The following NEK10 variants were observed in gnomAD, a reference collection of about 807,000 sequenced individuals.
The protein encoded by NEK10 is NIMA related kinase 10.
In NEK10, 122 loss-of-function variants were observed where a neutral mutation model predicts 159.8. That is an observed-to-expected ratio of 0.76 (90% CI 0.66 to 0.89). The LOEUF (loss-of-function observed/expected upper bound fraction) is 0.89, where lower values mean the gene tolerates loss of function less well. NEK10 is among the 40% of genes least tolerant of loss of function. The pLI, the probability that NEK10 is intolerant of heterozygous loss-of-function variation, is 0.00. For synonymous variants in NEK10, 466 were observed against 457.1 expected (o/e 1.02, Z -0.25); for missense variants, 1,342 against 1,323.1 (o/e 1.01, Z -0.22).
At chr3:27,292,310 T>C (rs993898263) in intron 16 of NEK10, among the ~76,000 whole-genome samples, 1 of 152,186 alleles carries the variant, frequency 6.6e-6, no homozygotes, top group South Asian at 2.1e-4. Flanking sequence ...ATTGGGTGTT[T>C]TTTTGGGTGT....
chr3:27,343,663 A>T (rs1411993399), intron 5 of NEK10, among the ~76,000 whole-genome samples: 1 of 152,182 alleles, frequency 6.6e-6, no homozygotes, highest in Non-Finnish European at 1.5e-5. Flanking sequence ...ACGGACAGAA[A>T]ATTCGGACCT....
intron 31 of NEK10, among the ~76,000 whole-genome samples, chr3:27,135,940 A>G (rs916205354): frequency 4.6e-5 from 7 of 152,150 alleles, no homozygotes; most frequent in African/African-American, 1.7e-4. Context: ...CTGAAAAAAC[A>G]CAGAACGTTT....
At chr3:27,233,263 T>G (rs889789341) in intron 23 of NEK10, among the ~76,000 whole-genome samples, 6 of 152,096 alleles carry the variant, frequency 3.9e-5, no homozygotes, top group Admixed American at 3.9e-4. Flanking sequence ...AAAGAAGACA[T>G]AGAAACAACC....
intron 20 of NEK10, among the ~76,000 whole-genome samples, chr3:27,285,352 C>T (rs1306760969): frequency 2.6e-5 from 4 of 152,042 alleles, no homozygotes; most frequent in Non-Finnish European, 5.9e-5. Context: ...CTAAAATTTA[C>T]GCTCAAATCA....
intron 23 of NEK10, chr3:27,206,643 A>G (rs182970116): frequency 3.0e-6 from 3 of 985,220 alleles, no homozygotes; most frequent in Admixed American, 6.1e-5. Context: ...TCGCAGACCT[A>G]ATTTCCATTC....
chr3:27,113,763 G>T (rs1000699560), intron 35 of NEK10, among the ~76,000 whole-genome samples: 1 of 152,098 alleles, frequency 6.6e-6, no homozygotes, highest in African/African-American at 2.4e-5. Context: ...AAAGAATAAT[G>T]ATAAATTCCA....
At chr3:27,122,020 C>A (rs536240570) in intron 32 of NEK10, among the ~76,000 whole-genome samples, 7 of 152,128 alleles carry the variant, frequency 4.6e-5, no homozygotes, top group African/African-American at 1.7e-4. Context: ...AAATACAAAT[C>A]ATTTGTGGGT....
intron 5 of NEK10, among the ~76,000 whole-genome samples, chr3:27,335,384 G>C (rs762018983): frequency 4.6e-5 from 7 of 150,882 alleles, no homozygotes; most frequent in Non-Finnish European, 1.0e-4. Flanking sequence ...TAAAGAGAGA[G>C]ATAGACTCTA....
At chr3:27,233,868 C>T (rs1468952265) in intron 23 of NEK10, among the ~76,000 whole-genome samples, 7 of 152,090 alleles carry the variant, frequency 4.6e-5, no homozygotes, top group Admixed American at 4.6e-4. Flanking sequence ...CAAAAATCCT[C>T]AACAAAATAC....
At chr3:27,232,020 A>G (rs969239440) in intron 23 of NEK10, among the ~76,000 whole-genome samples, 1 of 151,958 alleles carries the variant, frequency 6.6e-6, no homozygotes, top group Non-Finnish European at 1.5e-5. Context: ...AAAACCAGGA[A>G]AGGACATAAC....
intron 29 of NEK10, among the ~76,000 whole-genome samples, chr3:27,165,268 A>T (rs1027483000): frequency 1.2e-4 from 18 of 152,372 alleles, no homozygotes; most frequent in Middle Eastern, 6.8e-3. Context: ...TAGTCATCTG[A>T]AATTTCAAAA....
chr3:27,223,236 G>C (rs913974852), intron 23 of NEK10, among the ~76,000 whole-genome samples: 3 of 151,998 alleles, frequency 2.0e-5, no homozygotes, highest in Non-Finnish European at 4.4e-5. Context: ...CTCCATCAAC[G>C]GCTCTTTCCT....
At chr3:27,324,293 T>C (rs2045861245) in intron 5 of NEK10, among the ~76,000 whole-genome samples, 1 of 152,194 alleles carries the variant, frequency 6.6e-6, no homozygotes, top group Non-Finnish European at 1.5e-5. Flanking sequence ...CAATGCAAGG[T>C]GCATTTCACA....
chr3:27,364,821 CATA>C, intron 1 of NEK10, among the ~76,000 whole-genome samples: 1 of 152,312 alleles, frequency 6.6e-6, no homozygotes, highest in Non-Finnish European at 1.5e-5. Context: ...TAACAACAGT[CATA>C]ATAAGAGCAA....
intron 23 of NEK10, among the ~76,000 whole-genome samples, chr3:27,243,383 A>C (rs1954749720): frequency 6.6e-6 from 1 of 151,600 alleles, no homozygotes; most frequent in Non-Finnish European, 1.5e-5. Context: ...CTGCAAAATA[A>C]TGAAAATGTT....
intron 23 of NEK10, among the ~76,000 whole-genome samples, chr3:27,250,324 C>T (rs576592178): frequency 4.6e-5 from 7 of 151,968 alleles, no homozygotes; most frequent in African/African-American, 1.4e-4. Context: ...GTAGCTGGGA[C>T]TACAGGCGCC....
rs553669048 is a variant in NEK10, at chr3:27,108,367, C to G, written c.*2905G>C. Among the ~76,000 whole-genome samples, 1 of 152,288 alleles carries G rather than the reference C, an allele frequency of 6.6e-6. No individual in the cohort carries two copies. Among genetic ancestry groups the G allele is most frequent in the South Asian group, 2.1e-4 (1 of 4,826 alleles). On this transcript the variant is annotated 3_prime_UTR_variant, in exon 36 of 36. Transcript: ENST00000691995. ...GAAGACTCCATTTGAAGACTACATGCCTGGAGGAAGATAAAGTTAACAAGC... is the reference window on the plus strand; with the variant it reads ...GAAGACTCCATTTGAAGACTACATGGCTGGAGGAAGATAAAGTTAACAAGC...
At chr3:27,249,326 G>A (rs3112816) in intron 23 of NEK10, among the ~76,000 whole-genome samples, 198 of 152,210 alleles carry the variant, frequency 1.3e-3, no homozygotes, top group Non-Finnish European at 2.0e-3. Flanking sequence ...TTTGAAAACA[G>A]ACTAATACAA....
intron 25 of NEK10, among the ~76,000 whole-genome samples, chr3:27,197,819 C>A (rs1038693435): frequency 2.0e-5 from 3 of 150,718 alleles, no homozygotes; most frequent in African/African-American, 7.3e-5. Context: ...TATTATACTT[C>A]AAGTTTTAGG....
Sources: gnomAD v4.1 joint callset for allele counts (sites outside exome capture counted in the v4.1 genomes callset) on GRCh38, gnomAD v4.1.1 for gene constraint, MANE v1.5 for transcripts, NCBI Gene and HGNC (gene_info 2026-07-23, HGNC 2026-07-21) for gene names.